Variants in TNS3 observed in about 807,000 individuals in gnomAD.
TNS3 encodes tensin 3.
Under a neutral mutation model 140.9 loss-of-function variants are expected in TNS3, and 45 were observed. The ratio of observed to expected loss-of-function variants is 0.32; its 90% confidence interval spans 0.25 to 0.41. The LOEUF (loss-of-function observed/expected upper bound fraction) is 0.41, where lower values mean the gene tolerates loss of function less well. TNS3 is among the 10% of genes least tolerant of loss of function. The pLI is 1.00. For missense variants in TNS3, 1,716 were observed against 1,906.7 expected, an observed-to-expected ratio of 0.90 and a Z score of 1.86; for synonymous variants, 815 against 788.4, an observed-to-expected ratio of 1.03 and a Z score of -0.56.
chr7:47,492,332 C>T (rs994116205), intron 3 of TNS3, among the ~76,000 whole-genome samples: 4 of 152,236 alleles, frequency 2.6e-5, no homozygotes, highest in African/African-American at 9.6e-5. Context: ...AGGACACAGC[C>T]GCATATCGGC....
intron 14 of TNS3, 62 bp from the exon 15 acceptor site, chr7:47,400,520 G>C: frequency 1.3e-6 from 2 of 1,540,568 alleles, no homozygotes; most frequent in Non-Finnish European, 1.8e-6. Context: ...AGTATGGACT[G>C]ACTTTGTCCT....
At chr7:47,391,133 T>TATGCCCCATGCCCAGGGCTAGGC (rs1792491995) in intron 16 of TNS3, among the ~76,000 whole-genome samples, 1 of 152,216 alleles carries the variant, frequency 6.6e-6, no homozygotes, top group African/African-American at 2.4e-5. Context: ...GCTGCTCGCC[T>TATGCCCCATGCCCAGGGCTAGGC]ATGCCCCATG....
Position 47,437,247 on chromosome 7 carries a change from G to A in TNS3, c.201+16C>T, listed in dbSNP as rs1179295295. 1.3e-6 allele frequency: 2 copies of A among 1,542,716 alleles called. No homozygotes were observed. The highest frequency in any genetic ancestry group is 2.8e-5 in the African/African-American group (2 of 71,166). On this transcript the variant is annotated intron_variant, in intron 7 of 30. Coordinates refer to ENST00000311160, the MANE Select transcript of TNS3 (RefSeq NM_022748.12). ...CATTTTACAAAATGCAGAATATAAA[G>A]GGATGAACTCTGTACCTTTGGGTTA...
intron 4 of TNS3, among the ~76,000 whole-genome samples, chr7:47,460,390 G>A (rs1796439404): frequency 6.6e-6 from 1 of 152,162 alleles, no homozygotes; most frequent in Non-Finnish European, 1.5e-5. Flanking sequence ...AGGACTGAGG[G>A]TGATAACCGC....
At chr7:47,305,397 T>G (rs1346512800) in intron 20 of TNS3, among the ~76,000 whole-genome samples, 2 of 152,224 alleles carry the variant, frequency 1.3e-5, no homozygotes, top group Admixed American at 1.3e-4. Context: ...GCACCTCACT[T>G]TAGAATTGGC....
intron 3 of TNS3, among the ~76,000 whole-genome samples, chr7:47,493,514 T>C (rs530494058): frequency 3.9e-5 from 6 of 152,132 alleles, no homozygotes; most frequent in Non-Finnish European, 7.4e-5. Flanking sequence ...AACTGTCCTT[T>C]GCTCTAAAGA....
Position 47,303,387 on chromosome 7 carries a change from G to A in TNS3, c.3020C>T (p.Pro1007Leu), listed in dbSNP as rs1000336816. ...FHSHELSLAEPPDSLAPPSSQ... is the reference protein window; with the variant it reads ...FHSHELSLAELPDSLAPPSSQ... ...GCTGGGAGGCGCCAGGGAGTCCGGT[G>A]GCTCTGCTAGGGACAGCTCATGGCT... The change falls in exon 22 of 31, where the codon CCA becomes CTA. Residue 1007 changes from proline (P) to leucine (L), a missense_variant. Pro to Leu is a moderately conservative substitution (Grantham distance 98, BLOSUM62 -3). Around this residue, in one of 3 missense-constraint regions of TNS3, gnomAD observed 1,163 missense variants for 1,182.1 expected, o/e 0.98. Coordinates refer to ENST00000311160, the MANE Select transcript of TNS3 (RefSeq NM_022748.12). 4 of 1,613,820 alleles carry A rather than the reference G, an allele frequency of 2.5e-6. No homozygotes were observed. The highest frequency in any genetic ancestry group is 3.3e-5 in the Admixed American group (2 of 60,022).
intron 20 of TNS3, among the ~76,000 whole-genome samples, chr7:47,321,754 G>A (rs1219660402): frequency 1.3e-5 from 2 of 152,174 alleles, no homozygotes; most frequent in Admixed American, 6.5e-5. Context: ...ACACTTGGGA[G>A]TTCAGAAAGA....
chr7:47,354,676 C>A lies in TNS3; in HGVS notation c.2282-8320G>T, dbSNP rs573816118. Reference sequence around the variant, plus strand: ...GAGTACTCAGTGCAGAAATCTCAGGCCCCTTGAAACCCCCAGTGAACACAG... The same window carrying A: ...GAGTACTCAGTGCAGAAATCTCAGGACCCTTGAAACCCCCAGTGAACACAG... On this transcript the variant is annotated intron_variant, in intron 17 of 30. Coordinates refer to ENST00000311160, the MANE Select transcript of TNS3 (RefSeq NM_022748.12). Among the ~76,000 whole-genome samples the A allele has an allele frequency of 3.9e-5, 6 of 152,164 alleles. No homozygotes were observed. The South Asian group carries it at 1.3e-3, about 32-fold the overall frequency.
At chr7:47,473,865 A>T (rs1240672691) in intron 4 of TNS3, among the ~76,000 whole-genome samples, 1 of 152,168 alleles carries the variant, frequency 6.6e-6, no homozygotes, top group Non-Finnish European at 1.5e-5. Context: ...AATAAAATGG[A>T]GACCATTAAA....
intron 4 of TNS3, among the ~76,000 whole-genome samples, chr7:47,446,090 C>T (rs1359070643): frequency 6.6e-6 from 1 of 152,156 alleles, no homozygotes; most frequent in African/African-American, 2.4e-5. Flanking sequence ...GTGTTGCAAA[C>T]TCACTCTCTA....
chr7:47,392,429 G>A (rs1178175144), intron 16 of TNS3, among the ~76,000 whole-genome samples: 2 of 152,248 alleles, frequency 1.3e-5, no homozygotes, highest in African/African-American at 4.8e-5. Flanking sequence ...ACCACTGCTA[G>A]AGATAAATGC....
At chr7:47,438,911 G>GCCTCCA (rs1795323245) in intron 6 of TNS3, among the ~76,000 whole-genome samples, 1 of 152,192 alleles carries the variant, frequency 6.6e-6, no homozygotes, top group Non-Finnish European at 1.5e-5. Flanking sequence ...AAGGAAGTCA[G>GCCTCCA]CCTCCACCTG....
At position 47,469,973 on chromosome 7, in the gene TNS3, CA is replaced by C. The variant is rs144012426; in HGVS notation, c.-76+11129del. Among the ~76,000 whole-genome samples the C allele has an allele frequency of 1.6e-3, 104 of 64,872 alleles. 1 individual carries two copies. Among genetic ancestry groups the C allele is most frequent in the East Asian group, 7.4e-3 (16 of 2,168 alleles). The allele number at this position is 64,872 out of a possible 152,430, so 42.6% of individuals were successfully genotyped here. A position where few individuals can be genotyped will look rare whatever the true frequency, so the allele number is the denominator to read the frequency against. The stretch of plus-strand genomic sequence containing the variant: ...TGGGCAACAGAATGAAACTCTGTCT[CA>C]AAAAAAAAAAAAAAAAAAAAAAATT... On this transcript the variant is annotated intron_variant, in intron 4 of 30. Transcript: ENST00000311160.
intron 2 of TNS3, among the ~76,000 whole-genome samples, chr7:47,508,573 A>C (rs935762858): frequency 6.6e-6 from 1 of 152,172 alleles, no homozygotes; most frequent in African/African-American, 2.4e-5. Flanking sequence ...TTCTGCCCAC[A>C]CACGTCTAGC....
At chr7:47,394,833 G>A (rs1004500836) in intron 16 of TNS3, among the ~76,000 whole-genome samples, 7 of 152,254 alleles carry the variant, frequency 4.6e-5, no homozygotes, top group Non-Finnish European at 7.3e-5. Context: ...CCAGCTTTCA[G>A]TTCCCTGGTT....
At chr7:47,449,996 C>G (rs1490770717) in intron 4 of TNS3, among the ~76,000 whole-genome samples, 1 of 152,014 alleles carries the variant, frequency 6.6e-6, no homozygotes, top group Non-Finnish European at 1.5e-5. Context: ...CCATGCGGAT[C>G]CAGCAGAGGC....
At chr7:47,383,718 CAG>C (rs1387310018) in intron 16 of TNS3, among the ~76,000 whole-genome samples, 4 of 152,114 alleles carry the variant, frequency 2.6e-5, no homozygotes, top group African/African-American at 9.7e-5. Flanking sequence ...CCCAGGTAGA[CAG>C]GGGATTTCTG....
chr7:47,366,015 A>G (rs1298268799), intron 17 of TNS3, among the ~76,000 whole-genome samples: 2 of 152,170 alleles, frequency 1.3e-5, no homozygotes, highest in South Asian at 4.1e-4. Flanking sequence ...TCTTCTCCAC[A>G]TACACTCAGA....
Sources: gnomAD v4.1 joint callset for allele counts (sites outside exome capture counted in the v4.1 genomes callset) on GRCh38, gnomAD v4.1.1 for gene constraint, gnomAD v4.1.1 regional missense constraint, MANE v1.5 for transcripts, NCBI Gene and HGNC (gene_info 2026-07-23, HGNC 2026-07-21) for gene names.